Variants in TMEM232 observed in about 807,000 individuals in gnomAD.
TMEM232 encodes the protein transmembrane protein 232.
In TMEM232, 80 loss-of-function variants were observed where a neutral mutation model predicts 78.8. The observed-to-expected ratio is 1.01, with a 90% CI of 0.85 to 1.22. The LOEUF (loss-of-function observed/expected upper bound fraction) is 1.22, where lower values mean the gene tolerates loss of function less well. Among genes scored for constraint, TMEM232 ranks in the 50% most tolerant of loss-of-function variants. The probability of loss-of-function intolerance (pLI) is 0.00; values close to 1 mark genes in which losing one functional copy is unlikely to be tolerated. For synonymous variants in TMEM232, 297 were observed against 254.3 expected (o/e 1.17, Z -1.60); for missense variants, 881 against 742.2 (o/e 1.19, Z -2.17).
At chr5:110,637,169 A>G (rs1264206515) in intron 5 of TMEM232, among the ~76,000 whole-genome samples, 2 of 150,466 alleles carry the variant, frequency 1.3e-5, no homozygotes, top group South Asian at 2.1e-4. Context: ...ATAAATATAA[A>G]TACATATTTT....
intron 1 of TMEM232, among the ~76,000 whole-genome samples, chr5:110,689,536 A>G (rs1269721556): frequency 6.6e-6 from 1 of 152,170 alleles, no homozygotes; most frequent in African/African-American, 2.4e-5. Flanking sequence ...AAGAATCAAT[A>G]TCGTGAAAAT....
intron 11 of TMEM232, among the ~76,000 whole-genome samples, chr5:110,563,115 A>G (rs1042105113): frequency 6.6e-6 from 1 of 151,982 alleles, no homozygotes; most frequent in Non-Finnish European, 1.5e-5. Context: ...TTCATTTAAT[A>G]TTTAAAATAA....
intron 1 of TMEM232, among the ~76,000 whole-genome samples, chr5:110,700,097 A>C (rs1795258813): frequency 6.6e-6 from 1 of 152,116 alleles, no homozygotes; most frequent in South Asian, 2.1e-4. Context: ...ACAGCTGAAG[A>C]CAGGGAGAAG....
At chr5:110,415,490 A>G (rs777823196), downstream of TMEM232, among the ~76,000 whole-genome samples, 1 of 149,038 alleles carries the variant, frequency 6.7e-6, no homozygotes, top group African/African-American at 2.5e-5. Context: ...CCCGACCCCA[A>G]CTTTTTTTTT....
At chr5:110,498,877 T>C (rs180828625) in intron 12 of TMEM232, among the ~76,000 whole-genome samples, 11 of 152,276 alleles carry the variant, frequency 7.2e-5, no homozygotes, top group Admixed American at 1.3e-4. Context: ...GCTCTGTAAG[T>C]TCAAGATCAG....
At position 110,563,761 on chromosome 5, in the gene TMEM232, T is replaced by C. The variant is rs1039964571; in HGVS notation, c.1455+4686A>G. On this transcript the variant is annotated intron_variant, in intron 11 of 13. Coordinates refer to ENST00000455884, the MANE Select transcript of TMEM232 (RefSeq NM_001039763.4). ...GAAACAAATATATTAATTTTCTTTG[T>C]TTTTCTTTTACTTTGGGGCTCCTAA... Among the ~76,000 whole-genome samples the C allele has an allele frequency of 7.9e-5, 12 of 152,038 alleles. No individual in the cohort carries two copies. The South Asian group carries it at 2.1e-3, about 26-fold the overall frequency.
rs543244175 is a variant in TMEM232, at chr5:110,627,765, A to G, written c.601+16T>C. 1.1e-4 allele frequency: 156 copies of G among 1,418,860 alleles called. 1 individual carries two copies. In the Middle Eastern group the frequency reaches 1.8e-3, roughly 16 times the overall value. 87.9% of individuals were successfully genotyped at this position (1,418,860 alleles called of 1,614,324 possible). A position where few individuals can be genotyped will look rare whatever the true frequency, so the allele number is the denominator to read the frequency against. On this transcript the variant is annotated intron_variant, in intron 6 of 13. Transcript: ENST00000455884. The stretch of plus-strand genomic sequence containing the variant: ...ACATAAAACATTTATAAGTGTAAAA[A>G]TAAAAGATATTCTACCGTATAAATA...
At chr5:110,465,074 G>T (rs1561529029) in intron 12 of TMEM232, among the ~76,000 whole-genome samples, 1 of 152,164 alleles carries the variant, frequency 6.6e-6, no homozygotes, top group East Asian at 1.9e-4. Context: ...ATCGACAAAG[G>T]ATAGCACTAC....
intron 12 of TMEM232, among the ~76,000 whole-genome samples, chr5:110,503,404 G>A (rs1259265488): frequency 1.3e-5 from 2 of 152,108 alleles, no homozygotes; most frequent in African/African-American, 4.8e-5. Context: ...GTTTGGGTGA[G>A]AGGAAGGGAG....
intron 11 of TMEM232, among the ~76,000 whole-genome samples, chr5:110,543,986 TAAAC>T (rs955262253): frequency 1.3e-5 from 2 of 152,158 alleles, no homozygotes; most frequent in South Asian, 4.1e-4. Context: ...AGAGCAGACT[TAAAC>T]AAAATACTAA....
intron 10 of TMEM232, among the ~76,000 whole-genome samples, chr5:110,600,228 C>T (rs1780711813): frequency 1.3e-5 from 2 of 152,214 alleles, no homozygotes; most frequent in South Asian, 4.1e-4. Flanking sequence ...CTAAAATCAA[C>T]ACCCTAACAT....
chr5:110,542,802 C>G (rs879257522), intron 11 of TMEM232, among the ~76,000 whole-genome samples: 1 of 152,214 alleles, frequency 6.6e-6, no homozygotes, highest in South Asian at 2.1e-4. Flanking sequence ...CTTTGCAACC[C>G]CCCTCGCTTT....
intron 2 of TMEM232, among the ~76,000 whole-genome samples, chr5:110,409,600 C>T (rs1367861011): frequency 6.6e-6 from 1 of 152,152 alleles, no homozygotes; most frequent in Non-Finnish European, 1.5e-5. Flanking sequence ...GAGGTTTACT[C>T]TTTTCAAAAT....
At chr5:110,719,246 CAT>C (rs1797342747) in intron 1 of TMEM232, among the ~76,000 whole-genome samples, 1 of 151,696 alleles carries the variant, frequency 6.6e-6, no homozygotes. Flanking sequence ...CACACACAGT[CAT>C]GTGCTGCATA....
chr5:110,595,359 C>T (rs895699041), intron 10 of TMEM232, among the ~76,000 whole-genome samples: 8 of 152,124 alleles, frequency 5.3e-5, no homozygotes, highest in Non-Finnish European at 8.8e-5. Context: ...AACCAGAATG[C>T]CTTTTCTCCT....
At chr5:110,581,347 C>G (rs1038910824) in intron 10 of TMEM232, among the ~76,000 whole-genome samples, 1 of 151,692 alleles carries the variant, frequency 6.6e-6, no homozygotes, top group Non-Finnish European at 1.5e-5. Context: ...GTATAGAGAA[C>G]CGAGAAATGA....
At chr5:110,604,083 T>C (rs563851412) in intron 10 of TMEM232, among the ~76,000 whole-genome samples, 40 of 152,318 alleles carry the variant, frequency 2.6e-4, no homozygotes, top group African/African-American at 9.4e-4. Context: ...TTATGTATTA[T>C]TATGCTAGAT....
At chr5:110,720,776 T>C (rs1019112521) in intron 1 of TMEM232, 1 of 152,146 alleles carries the variant, frequency 6.6e-6, no homozygotes, top group African/African-American at 2.4e-5. Context: ...GACTGAGTGC[T>C]TTGTGCTATA....
At chr5:110,445,406 A>G (rs147775820) in intron 12 of TMEM232, among the ~76,000 whole-genome samples, 7 of 152,092 alleles carry the variant, frequency 4.6e-5, no homozygotes, top group African/African-American at 1.7e-4. Flanking sequence ...ATTCCCCACA[A>G]CCCCACCAAA....
Sources: gnomAD v4.1 joint callset for allele counts (sites outside exome capture counted in the v4.1 genomes callset) on GRCh38, gnomAD v4.1.1 for gene constraint, MANE v1.5 for transcripts, NCBI Gene and HGNC (gene_info 2026-07-23, HGNC 2026-07-21) for gene names.